Variants in CPEB4 observed in about 807,000 individuals in gnomAD.
CPEB4 encodes cytoplasmic polyadenylation element binding protein 4, also known as cytoplasmic polyadenylation element-binding protein 4.
Under a neutral mutation model 72.5 loss-of-function variants are expected in CPEB4, and 12 were observed. That is an observed-to-expected ratio of 0.17 (90% CI 0.11 to 0.27). CPEB4 has a LOEUF of 0.27. Among genes scored for constraint, CPEB4 ranks in the 10% least tolerant of loss-of-function variants. CPEB4 has a pLI of 1.00. For missense variants in CPEB4, 614 were observed against 908.5 expected (o/e 0.68, Z 4.17); for synonymous variants, 302 against 326.3 (o/e 0.93, Z 0.80).
intron 1 of CPEB4, among the ~76,000 whole-genome samples, chr5:173,898,817 C>T (rs557745262): frequency 9.2e-5 from 14 of 152,338 alleles, no homozygotes; most frequent in Non-Finnish European, 1.9e-4. Flanking sequence ...GCTGGGACTA[C>T]AGGCATGTGC....
chr5:173,936,195 C>A (rs1264688473), intron 3 of CPEB4, among the ~76,000 whole-genome samples: 2 of 152,218 alleles, frequency 1.3e-5, no homozygotes, highest in Non-Finnish European at 2.9e-5. Context: ...CCACTGACTA[C>A]TGGCTTAAAC....
In CPEB4 at chr5:173,945,978, G is replaced by A. The variant is rs1443121841; in HGVS notation, c.1456+838G>A. On this transcript the variant is annotated intron_variant, in intron 5 of 9. Transcript: ENST00000265085. ...TTTCTTTTGTCTTCGTTTCCTGAGT[G>A]AAAATGGAAATACACTAAATCACAT... Among the ~76,000 whole-genome samples the A allele has an allele frequency of 2.0e-5, 3 of 152,284 alleles. No individual in the cohort carries two copies. In the South Asian group the frequency reaches 6.2e-4, roughly 32 times the overall value.
At chr5:173,923,991 A>G (rs1043047541) in intron 2 of CPEB4, among the ~76,000 whole-genome samples, 6 of 152,140 alleles carry the variant, frequency 3.9e-5, no homozygotes, top group Non-Finnish European at 4.4e-5. Flanking sequence ...CTCTCTGGAC[A>G]TTCCCTTCTG....
chr5:173,911,364 G>A (rs534608236), intron 2 of CPEB4, among the ~76,000 whole-genome samples: 8 of 151,612 alleles, frequency 5.3e-5, no homozygotes, highest in Non-Finnish European at 1.2e-4. Flanking sequence ...CCAGGCTCAC[G>A]CCATTCTCCT....
rs535716208 is a variant in CPEB4, at chr5:173,900,080, G to C, written c.1125+9222G>C. On this transcript the variant is annotated intron_variant, in intron 1 of 9. Coordinates refer to ENST00000265085, the MANE Select transcript of CPEB4 (RefSeq NM_030627.4). The surrounding 1 kb of genome is among the most constrained non-coding windows in gnomAD (Gnocchi z 4.4). ...AAGGCTCACAGAAGAGATGTCGAGG[G>C]TTACAAGACATAAGCTTCAGTTTAG... 8.5e-5 allele frequency among the ~76,000 whole-genome samples: 13 copies of C among 152,168 alleles called. No individual in the cohort carries two copies. In the South Asian group the frequency reaches 2.7e-3, roughly 32 times the overall value.
At chr5:173,903,213 G>A (rs1292430067) in intron 1 of CPEB4, among the ~76,000 whole-genome samples, 1 of 152,166 alleles carries the variant, frequency 6.6e-6, no homozygotes, top group Non-Finnish European at 1.5e-5. Context: ...AAGGAATTTT[G>A]TTTTGGTGAA....
intron 1 of CPEB4, among the ~76,000 whole-genome samples, chr5:173,903,079 T>C (rs1346130158): frequency 6.6e-6 from 1 of 150,650 alleles, no homozygotes; most frequent in Admixed American, 6.6e-5. Flanking sequence ...AAAAAAAAGC[T>C]ATATGCTTAA....
Position 173,958,009 on chromosome 5 carries a change from T to G in CPEB4, c.*1872T>G, listed in dbSNP as rs1758432784. ...CTTGTGTAGCTGGTCAGGGACTTTT[T>G]TTTCTTTTCTCCTGAACTACATGAT... On this transcript the variant is annotated 3_prime_UTR_variant, in exon 10 of 10. Coordinates refer to ENST00000265085, the MANE Select transcript of CPEB4 (RefSeq NM_030627.4). 1 of 152,770 alleles carries G rather than the reference T, an allele frequency of 6.5e-6. No homozygotes were observed. Among genetic ancestry groups the G allele is most frequent in the African/African-American group, 2.4e-5 (1 of 41,458 alleles). The allele number at this position is 152,770 out of a possible 1,614,324, so 9.5% of individuals were successfully genotyped here. A position where few individuals can be genotyped will look rare whatever the true frequency, so the allele number is the denominator to read the frequency against.
intron 1 of CPEB4, among the ~76,000 whole-genome samples, chr5:173,903,060 GA>G (rs201826621): frequency 0.27 from 33,132 of 120,628 alleles, 4,491 homozygotes; most frequent in Non-Finnish European, 0.35. Context: ...GTAGCTGAAT[GA>G]AAAAAAAAAA....
chr5:173,920,915 A>G (rs150726472), intron 2 of CPEB4, among the ~76,000 whole-genome samples: 3 of 152,186 alleles, frequency 2.0e-5, no homozygotes, highest in African/African-American at 4.8e-5. Context: ...TCTTTTTGAG[A>G]TAGGCCTAAA....
chr5:173,951,272 C>A (rs1758206782), intron 7 of CPEB4, among the ~76,000 whole-genome samples: 1 of 152,004 alleles, frequency 6.6e-6, no homozygotes, highest in Non-Finnish European at 1.5e-5. Flanking sequence ...GTACATGATT[C>A]TTGATTGACT....
At chr5:173,897,446 T>G (rs1254648308) in intron 1 of CPEB4, among the ~76,000 whole-genome samples, 1 of 152,204 alleles carries the variant, frequency 6.6e-6, no homozygotes, top group African/African-American at 2.4e-5. Context: ...TTTAATGTAT[T>G]TAGCACACAT....
At chr5:173,930,808 G>A (rs1247922312) in intron 2 of CPEB4, among the ~76,000 whole-genome samples, 1 of 151,814 alleles carries the variant, frequency 6.6e-6, no homozygotes, top group Non-Finnish European at 1.5e-5. Context: ...CTAACACAGT[G>A]AAACCCCGTC....
At chr5:173,938,472 C>T (rs751636032) in intron 3 of CPEB4, among the ~76,000 whole-genome samples, 3 of 152,080 alleles carry the variant, frequency 2.0e-5, no homozygotes, top group Non-Finnish European at 4.4e-5. Context: ...ATGATCTGCC[C>T]ACCTCAACCT....
Position 173,940,406 on chromosome 5 carries a change from G to A in CPEB4, c.1259-2620G>A, listed in dbSNP as rs1349581372. Among the ~76,000 whole-genome samples, 3 of 152,340 alleles carry A rather than the reference G, an allele frequency of 2.0e-5. No homozygotes were observed. The East Asian group carries it at 5.8e-4, about 29-fold the overall frequency. On this transcript the variant is annotated intron_variant, in intron 3 of 9. Transcript: ENST00000265085. The stretch of plus-strand genomic sequence containing the variant: ...ATAACAGGCAATACTTGCTAGTCAT[G>A]AGATTGGAAATCTGTCTGACATTTT...
At chr5:173,946,214 A>G (rs1481592493) in intron 5 of CPEB4, among the ~76,000 whole-genome samples, 1 of 152,176 alleles carries the variant, frequency 6.6e-6, no homozygotes, top group African/African-American at 2.4e-5. Flanking sequence ...TGTTGTCCAC[A>G]ATAAAATGTC....
rs562106090 is a variant in CPEB4 at position 173,889,501 on chromosome 5, T to C, written c.-233T>C. ...TATTCCCTCCTAAAAATAAGCCCAA[T>C]TGGATCCAAGTCAATGTTTTAAGAG... On this transcript the variant is annotated 5_prime_UTR_variant, in exon 1 of 10. Coordinates refer to ENST00000265085, the MANE Select transcript of CPEB4 (RefSeq NM_030627.4). 100 of 404,492 alleles carry C rather than the reference T, an allele frequency of 2.5e-4. No homozygotes were observed. The highest frequency in any genetic ancestry group is 9.3e-4 in the African/African-American group (45 of 48,330). 25.1% of individuals were successfully genotyped at this position (404,492 alleles called of 1,614,324 possible).
At chr5:173,924,163 T>C (rs1314063143) in intron 2 of CPEB4, among the ~76,000 whole-genome samples, 3 of 152,226 alleles carry the variant, frequency 2.0e-5, no homozygotes, top group African/African-American at 7.2e-5. Flanking sequence ...TTGCCACTAC[T>C]ACAATCTGTT....
In CPEB4 at chr5:173,922,333, C is replaced by T. The variant is rs187006878; in HGVS notation, c.1208-10117C>T. Among the ~76,000 whole-genome samples, 857 of 152,192 alleles carry T rather than the reference C, an allele frequency of 5.6e-3. 7 individuals are homozygous for T. The highest frequency in any genetic ancestry group is 0.019 in the African/African-American group (803 of 41,526). On this transcript the variant is annotated intron_variant, in intron 2 of 9. Coordinates refer to ENST00000265085, the MANE Select transcript of CPEB4 (RefSeq NM_030627.4). Reference sequence around the variant, plus strand: ...GCAGCCTCCGCCTCCTGGGCTCAAACGCTCCTCCCACTTCAGCCTCCCAAG... The same window carrying T: ...GCAGCCTCCGCCTCCTGGGCTCAAATGCTCCTCCCACTTCAGCCTCCCAAG...
Sources: gnomAD v4.1 joint callset for allele counts (sites outside exome capture counted in the v4.1 genomes callset) on GRCh38, gnomAD v4.1.1 for gene constraint, Gnocchi (gnomAD v3.1) non-coding constraint, MANE v1.5 for transcripts, NCBI Gene and HGNC (gene_info 2026-07-23, HGNC 2026-07-21) for gene names.